KIAA0586: variants seen among roughly 807,000 people sequenced by gnomAD.
The protein encoded by KIAA0586 is KIAA0586, also known as protein TALPID3.
KIAA0586 carries 144 observed loss-of-function variants against 169.8 expected under a neutral mutation model. The ratio of observed to expected loss-of-function variants is 0.85; its 90% CI spans 0.74 to 0.97. The LOEUF is 0.97. KIAA0586 is among the 50% of genes least tolerant of loss of function. The probability of loss-of-function intolerance (pLI) is 0.00; values close to 1 mark genes in which losing one functional copy is unlikely to be tolerated. For synonymous variants in KIAA0586, 625 were observed against 612.4 expected (o/e 1.02, Z -0.30); for missense variants, 1,854 against 1,823.0 (o/e 1.02, Z -0.31).
At position 58,470,733 on chromosome 14, in the gene KIAA0586, A is replaced by G; in HGVS notation, c.2553+10A>G. 7.3e-7 allele frequency: 1 copy of G among 1,361,284 alleles called. No individual in the cohort carries two copies. Among genetic ancestry groups the G allele is most frequent in the Middle Eastern group, 1.8e-4 (1 of 5,578 alleles). The allele number at this position is 1,361,284 out of a possible 1,614,324, so 84.3% of individuals were successfully genotyped here. ...GCAAACTTGGATAAAGGTATATTTC[A>G]GAATTTTATCATATTATTTTGAGTA... On this transcript the variant is annotated intron_variant, in intron 17 of 30. Transcript: ENST00000652326.
Position 58,427,774 on chromosome 14 carries a change from T to C in KIAA0586, c.-491T>C, listed in dbSNP as rs2036951928. ...GGGTCTCGGGCGTTCTGGAGATACG[T>C]AGGGGTGAATTTATGTTTCCGACGA... On this transcript the variant is annotated 5_prime_UTR_variant, in exon 1 of 31. Transcript: ENST00000652326. 1.3e-5 allele frequency: 20 copies of C among 1,524,596 alleles called. No homozygotes were observed. The Admixed American group carries it at 3.4e-4, about 26-fold the overall frequency. The allele number at this position is 1,524,596 out of a possible 1,614,324, so 94.4% of individuals were successfully genotyped here. A position where few individuals can be genotyped will look rare whatever the true frequency, so the allele number is the denominator to read the frequency against.
chr14:58,523,350 A>C (rs1253534959), intron 29 of KIAA0586, among the ~76,000 whole-genome samples: 2 of 152,192 alleles, frequency 1.3e-5, no homozygotes, highest in African/African-American at 4.8e-5. Flanking sequence ...CATCTCACCA[A>C]AACCATACAC....
At chr14:58,461,368 A>C (rs2040309325) in intron 14 of KIAA0586, among the ~76,000 whole-genome samples, 1 of 152,216 alleles carries the variant, frequency 6.6e-6, no homozygotes, top group Non-Finnish European at 1.5e-5. Flanking sequence ...AATTGGGAAG[A>C]AATGTAGGAT....
intron 8 of KIAA0586, 89 bp from the exon 9 acceptor site, chr14:58,453,261 C>A: frequency 1.4e-6 from 1 of 728,840 alleles, no homozygotes; most frequent in Non-Finnish European, 2.0e-6. Flanking sequence ...AAGAAGCTAA[C>A]TTAGGCCAGA....
At position 58,487,050 on chromosome 14, in the gene KIAA0586, C is replaced by G. The variant is rs762450646; in HGVS notation, c.3188C>G (p.Pro1063Arg). 6.2e-7 allele frequency: 1 copy of G among 1,613,544 alleles called. No homozygotes were observed. The highest frequency in any genetic ancestry group is 1.1e-5 in the South Asian group (1 of 91,060). Residue 1063 changes from proline (P) to arginine (R), a missense_variant, in exon 22 of 31, where the codon CCT becomes CGT. Transcript: ENST00000652326. Reference protein sequence around the residue: ...TPLPTPQPTPPCSPSSPAKEC... With the variant: ...TPLPTPQPTPRCSPSSPAKEC... ...CTGCCTACCCCACAGCCTACGCCTC[C>G]TTGCTCACCTTCATCACCTGCTAAG...
At chr14:58,489,167 A>T (rs1425060919) in intron 24 of KIAA0586, among the ~76,000 whole-genome samples, 1 of 150,548 alleles carries the variant, frequency 6.6e-6, no homozygotes, top group African/African-American at 2.4e-5. Flanking sequence ...ACGTATGTGG[A>T]TGTATGTTTA....
At chr14:58,555,826 T>TA (rs1474757588), downstream of KIAA0586, among the ~76,000 whole-genome samples, 1 of 152,178 alleles carries the variant, frequency 6.6e-6, no homozygotes, top group Non-Finnish European at 1.5e-5. Flanking sequence ...ATGAGCCAAT[T>TA]ATAGCTTGTC....
At chr14:58,508,070 A>G (rs541540311) in intron 27 of KIAA0586, among the ~76,000 whole-genome samples, 28 of 152,172 alleles carry the variant, frequency 1.8e-4, no homozygotes, top group Non-Finnish European at 3.7e-4. Context: ...GGCATGAGCT[A>G]CTGCACTCAG....
At chr14:58,460,518 C>G (rs1566828910) in intron 13 of KIAA0586, among the ~76,000 whole-genome samples, 1 of 152,068 alleles carries the variant, frequency 6.6e-6, no homozygotes. Flanking sequence ...CTATAAGTTT[C>G]TAAGTGCCAA....
At chr14:58,470,174 A>G (rs934226979) in intron 16 of KIAA0586, among the ~76,000 whole-genome samples, 1 of 152,050 alleles carries the variant, frequency 6.6e-6, no homozygotes, top group Admixed American at 6.6e-5. Flanking sequence ...AATTTTTCCA[A>G]TTGAAACATA....
rs1445118511 is a variant in KIAA0586, at chr14:58,428,418, C to T, written c.154C>T (p.Arg52Cys). The T allele has an allele frequency of 6.2e-7, 1 of 1,613,822 alleles. No individual in the cohort carries two copies. The highest frequency in any genetic ancestry group is 1.3e-5 in the African/African-American group (1 of 74,922). ...CVPPALSANK[R>C]LPVGTGTSLN... ...TCCTCCGGCATTGTCTGCAAATAAA[C>T]GTCTTCCTGTTGGAACGGGGACTAG... The change falls in exon 1 of 31, where the codon CGT becomes TGT. Residue 52 changes from arginine (R) to cysteine (C), a missense_variant. Coordinates refer to ENST00000652326, the MANE Select transcript of KIAA0586 (RefSeq NM_001329943.3).
chr14:58,469,348 C>T lies in KIAA0586; in HGVS notation c.2443-1265C>T, dbSNP rs2041020738. Among the ~76,000 whole-genome samples, 3 of 152,222 alleles carry T rather than the reference C, an allele frequency of 2.0e-5. No homozygotes were observed. In the South Asian group the frequency reaches 6.2e-4, roughly 32 times the overall value. ...CAGAATCTTTCAACTTCCAGTCATT[C>T]TTGCAGGGCAGGGAACTCCCAACAT... On this transcript the variant is annotated intron_variant, in intron 16 of 30. Transcript: ENST00000652326.
intron 5 of KIAA0586, among the ~76,000 whole-genome samples, chr14:58,443,728 T>C (rs1566793392): frequency 6.6e-6 from 1 of 152,288 alleles, no homozygotes. Flanking sequence ...TGGCCAATTT[T>C]TTTTTCTTTT....
chr14:58,469,636 G>A (rs2041046730), intron 16 of KIAA0586, among the ~76,000 whole-genome samples: 2 of 152,102 alleles, frequency 1.3e-5, no homozygotes, highest in Non-Finnish European at 2.9e-5. Context: ...ACAACACACA[G>A]TAAGAACATA....
intron 29 of KIAA0586, among the ~76,000 whole-genome samples, chr14:58,517,529 C>A (rs2044853784): frequency 6.6e-6 from 1 of 152,192 alleles, no homozygotes; most frequent in South Asian, 2.1e-4. Context: ...GGTGGGAATG[C>A]AGAATGCAAC....
the KIAA0586 span, among the ~76,000 whole-genome samples, chr14:58,557,981 C>T: frequency 8.2e-6 from 1 of 122,334 alleles, no homozygotes; most frequent in Admixed American, 1.1e-4. Flanking sequence ...GTGATCTTGG[C>T]TCACTAAAAC....
rs181384924 is a variant in KIAA0586, at chr14:58,543,973, A to C, written c.4496-3808A>C. The C allele has an allele frequency of 1.5e-5, 7 of 455,388 alleles. No homozygotes were observed. In the East Asian group the frequency reaches 4.9e-4, roughly 32 times the overall value. The allele number at this position is 455,388 out of a possible 1,614,324, so 28.2% of individuals were successfully genotyped here. On this transcript the variant is annotated intron_variant, in intron 30 of 30. Transcript: ENST00000652326. ...CAGATTATTTCATCACCCAGGTATT[A>C]AGCCTAGTACCCAATAGTTATTTTT...
Position 58,453,473 on chromosome 14 carries a change from G to C in KIAA0586, c.1253G>C (p.Arg418Thr), listed in dbSNP as rs772739103. The part of the protein sequence containing the change: ...KIGWTPEKTN[R>T]FPSCEELETT... ...GGATGGACTCCTGAGAAAACAAACA[G>C]GTAAAAACAAGAGATTGGAATGAAA... Residue 418 changes from arginine to threonine, a missense_variant and splice_region_variant, in exon 9 of 31, where the codon AGA becomes ACA. Arg to Thr is a moderately conservative substitution (Grantham distance 71, BLOSUM62 -1). Transcript: ENST00000652326. 6.7e-7 allele frequency: 1 copy of C among 1,495,886 alleles called. No individual in the cohort carries two copies. 92.7% of individuals were successfully genotyped at this position (1,495,886 alleles called of 1,614,324 possible).
chr14:58,475,384 C>G (rs969204760), intron 19 of KIAA0586, among the ~76,000 whole-genome samples: 23 of 152,058 alleles, frequency 1.5e-4, no homozygotes, highest in African/African-American at 4.8e-4. Context: ...CCCCCCACCC[C>G]CTACCCCACC....
Sources: gnomAD v4.1 joint callset for allele counts (sites outside exome capture counted in the v4.1 genomes callset) on GRCh38, gnomAD v4.1.1 for gene constraint, MANE v1.5 for transcripts, NCBI Gene and HGNC (gene_info 2026-07-23, HGNC 2026-07-21) for gene names.